Variants in PDE2A observed in about 807,000 individuals in gnomAD.
PDE2A encodes cGMP-dependent 3',5'-cyclic phosphodiesterase.
In PDE2A, 53 loss-of-function variants were observed where a neutral mutation model predicts 133.6. The ratio of observed to expected loss-of-function variants is 0.40; its 90% CI spans 0.32 to 0.50. The LOEUF (loss-of-function observed/expected upper bound fraction) is 0.50. Among genes scored for constraint, PDE2A ranks in the 20% least tolerant of loss-of-function variants. PDE2A has a pLI of 0.73. For synonymous variants in PDE2A, 491 were observed against 490.2 expected (o/e 1.00, Z -0.02); for missense variants, 796 against 1,232.4 (o/e 0.65, Z 5.30).
At position 72,579,524 on chromosome 11, in the gene PDE2A, ACCC is replaced by A; in HGVS notation, c.2256+7_2256+9del. 6.6e-7 allele frequency: 1 copy of A among 1,506,136 alleles called. No homozygotes were observed. Among genetic ancestry groups the A allele is most frequent in the Non-Finnish European group, 9.2e-7 (1 of 1,088,590 alleles). 93.3% of individuals were successfully genotyped at this position (1,506,136 alleles called of 1,614,324 possible). A position where few individuals can be genotyped will look rare whatever the true frequency, so the allele number is the denominator to read the frequency against. On this transcript the variant is annotated splice_region_variant and intron_variant, in intron 26 of 30. Coordinates refer to ENST00000334456, the MANE Select transcript of PDE2A (RefSeq NM_002599.5). ...CCCCTCAATCCCCACCCCACCCCCA[ACCC>A]CATCACCTTCCGGGAGAAATGATCA...
intron 2 of PDE2A, among the ~76,000 whole-genome samples, chr11:72,613,827 C>T (rs1262168941): frequency 6.6e-6 from 1 of 152,196 alleles, no homozygotes; most frequent in African/African-American, 2.4e-5. Context: ...GCCTCTTTTG[C>T]TTCCTGCCTC....
Position 72,589,269 on chromosome 11 carries a change from G to A in PDE2A, c.874-29C>T, listed in dbSNP as rs759446442. 15 of 1,550,284 alleles carry A rather than the reference G, an allele frequency of 9.7e-6. No individual in the cohort carries two copies. The Admixed American group carries it at 2.4e-4, about 24-fold the overall frequency. The stretch of plus-strand genomic sequence containing the variant: ...GGGGGTGAGGAGAGACTGAGTCAGG[G>A]CCCAGTACTCCCCAGGTCAGGGGAT... On this transcript the variant is annotated intron_variant, in intron 11 of 30. Transcript: ENST00000334456.
At position 72,590,070 on chromosome 11, in the gene PDE2A, C is replaced by T. The variant is rs776126435; in HGVS notation, c.757-89G>A. The stretch of plus-strand genomic sequence containing the variant: ...GCTCCCCTCTCCGGGGCTCTTCAGG[C>T]GGGTGGAGGAGAGAGGAAGGAAGGA... On this transcript the variant is annotated intron_variant, in intron 9 of 30. Coordinates refer to ENST00000334456, the MANE Select transcript of PDE2A (RefSeq NM_002599.5). This position sits in a 1 kb window ranked among gnomAD's most constrained non-coding sequence, Gnocchi z 4.8. 5 of 1,409,386 alleles carry T rather than the reference C, an allele frequency of 3.5e-6. No homozygotes were observed. The highest frequency in any genetic ancestry group is 1.4e-5 in the African/African-American group (1 of 70,216). The allele number at this position is 1,409,386 out of a possible 1,614,324, so 87.3% of individuals were successfully genotyped here. A position where few individuals can be genotyped will look rare whatever the true frequency, so the allele number is the denominator to read the frequency against.
At chr11:72,674,004 T>G in intron 1 of PDE2A, 133 bp downstream of exon 1, 1 of 837,766 alleles carries the variant, frequency 1.2e-6, no homozygotes, top group Non-Finnish European at 1.8e-6. Context: ...GGAGGAGGGG[T>G]GCCCAGGAAC....
chr11:72,662,517 G>A (rs1368580902), intron 1 of PDE2A, among the ~76,000 whole-genome samples: 1 of 152,218 alleles, frequency 6.6e-6, no homozygotes, highest in Non-Finnish European at 1.5e-5. Flanking sequence ...CGGTGACACA[G>A]TTTTGCTTTA....
intron 25 of PDE2A, among the ~76,000 whole-genome samples, chr11:72,580,212 T>C (rs910279524): frequency 6.6e-6 from 1 of 152,110 alleles, no homozygotes; most frequent in Non-Finnish European, 1.5e-5. Context: ...CTGTGCCAAG[T>C]GCAGGGAACT....
At chr11:72,617,288 A>G (rs1290446726) in intron 2 of PDE2A, among the ~76,000 whole-genome samples, 1 of 152,054 alleles carries the variant, frequency 6.6e-6, no homozygotes, top group Non-Finnish European at 1.5e-5. Context: ...GGCGGGGAGG[A>G]AGGGCCAGCC....
At chr11:72,614,837 G>A (rs1857382070) in intron 2 of PDE2A, among the ~76,000 whole-genome samples, 1 of 152,162 alleles carries the variant, frequency 6.6e-6, no homozygotes, top group Admixed American at 6.5e-5. Context: ...GAGAGGCTGG[G>A]GGTGGAAGGA....
chr11:72,624,435 C>A (rs1267551223), intron 2 of PDE2A, among the ~76,000 whole-genome samples: 1 of 152,274 alleles, frequency 6.6e-6, no homozygotes, highest in African/African-American at 2.4e-5. Flanking sequence ...ATGTCAGGCC[C>A]AAGATCACAC....
chr11:72,584,297 G>A lies in PDE2A; in HGVS notation c.1554C>T (p.Ala518=), dbSNP rs116776002. The A allele has an allele frequency of 1.2e-6, 2 of 1,610,836 alleles. No homozygotes were observed. The highest frequency in any genetic ancestry group is 1.7e-5 in the Admixed American group (1 of 59,988). ...KNENQEVIGV[A]ELVNKINGPW... is the part of the protein sequence containing the mutation. ...GCCCATTGATCTTGTTCACCAGCTC[G>A]GCCACACCGATGACCTCTGGGGAAG... The change falls in exon 19 of 31, where the codon GCC becomes GCT. Residue 518 remains alanine, a synonymous_variant. Transcript: ENST00000334456.
chr11:72,651,909 A>G (rs1176260979), intron 1 of PDE2A, among the ~76,000 whole-genome samples: 2 of 152,154 alleles, frequency 1.3e-5, no homozygotes, highest in Non-Finnish European at 2.9e-5. Flanking sequence ...GCCTGAAAAG[A>G]GGGAAGAGCT....
chr11:72,659,713 C>T (rs1481778380), intron 1 of PDE2A, among the ~76,000 whole-genome samples: 1 of 152,022 alleles, frequency 6.6e-6, no homozygotes, highest in African/African-American at 2.4e-5. Flanking sequence ...CTTGGCCAGC[C>T]CCTGCTACAG....
chr11:72,657,335 G>A lies in PDE2A; in HGVS notation c.72-15009C>T, dbSNP rs186395429. Among the ~76,000 whole-genome samples the A allele has an allele frequency of 5.6e-3, 848 of 152,312 alleles. 10 individuals are homozygous for A. The highest frequency in any genetic ancestry group is 0.02 in the African/African-American group (816 of 41,572). On this transcript the variant is annotated intron_variant, in intron 1 of 30. Transcript: ENST00000334456. ...ACAAGGCTCAGAAGAAGTGGGAGGA[G>A]GGGAAAGAGGAGGGATGGAGGAATG...
At chr11:72,605,394 C>G (rs1856928156) in intron 3 of PDE2A, among the ~76,000 whole-genome samples, 168 bp from the exon 4 acceptor site, 1 of 152,196 alleles carries the variant, frequency 6.6e-6, no homozygotes, top group Non-Finnish European at 1.5e-5. Flanking sequence ...GCAGCCAGGG[C>G]AGCAAAACAC....
At chr11:72,614,318 G>A (rs1257770774) in intron 2 of PDE2A, among the ~76,000 whole-genome samples, 1 of 152,230 alleles carries the variant, frequency 6.6e-6, no homozygotes, top group African/African-American at 2.4e-5. Flanking sequence ...GAGAATAGAG[G>A]AAAGAGGCTT....
intron 21 of PDE2A, 29 bp downstream of exon 21, chr11:72,582,415 G>A (rs764129560): frequency 1.9e-6 from 3 of 1,608,706 alleles, no homozygotes; most frequent in East Asian, 4.5e-5. Flanking sequence ...CCTTCGGCCT[G>A]GCCAGTCAAG....
chr11:72,613,794 G>C (rs1309105155), intron 2 of PDE2A, among the ~76,000 whole-genome samples: 1 of 152,152 alleles, frequency 6.6e-6, no homozygotes, highest in African/African-American at 2.4e-5. Flanking sequence ...GGAAACAGGG[G>C]GTGCCAGGCA....
chr11:72,663,558 G>A (rs376808426), intron 1 of PDE2A, among the ~76,000 whole-genome samples: 11 of 152,080 alleles, frequency 7.2e-5, no homozygotes, highest in African/African-American at 1.7e-4. Context: ...GTGAAACCCC[G>A]TCTCTACCAA....
At chr11:72,674,034 G>T in intron 1 of PDE2A, 103 bp downstream of exon 1, 1 of 1,145,326 alleles carries the variant, frequency 8.7e-7, no homozygotes, top group Non-Finnish European at 1.3e-6. Context: ...CCTTCCACGT[G>T]GCTCAGCTCC....
Sources: gnomAD v4.1 joint callset for allele counts (sites outside exome capture counted in the v4.1 genomes callset) on GRCh38, gnomAD v4.1.1 for gene constraint, Gnocchi (gnomAD v3.1) non-coding constraint, MANE v1.5 for transcripts, NCBI Gene and HGNC (gene_info 2026-07-23, HGNC 2026-07-21) for gene names.